Variants in ZNF385D observed in about 807,000 individuals in gnomAD.
ZNF385D encodes zinc finger protein 385D.
A neutral mutation model predicts 35.8 loss-of-function variants in ZNF385D; 15 were observed. The observed-to-expected ratio is 0.42, with a 90% CI of 0.28 to 0.64. ZNF385D has a LOEUF of 0.64. Ranked by LOEUF, ZNF385D falls within the 30% of genes least tolerant of loss-of-function variation. The pLI, the probability that ZNF385D is intolerant of heterozygous loss-of-function variation, is 0.23. For synonymous variants in ZNF385D, 212 were observed against 186.8 expected, an observed-to-expected ratio of 1.13 and a Z score of -1.10; for missense variants, 474 against 494.6, an observed-to-expected ratio of 0.96 and a Z score of 0.39.
At chr3:21,938,436 A>G (rs1701365633) in intron 3 of ZNF385D, among the ~76,000 whole-genome samples, 2 of 152,324 alleles carry the variant, frequency 1.3e-5, no homozygotes, top group South Asian at 4.1e-4. Flanking sequence ...AGTAGGCCAG[A>G]TGTTTCTAGG....
intron 3 of ZNF385D, among the ~76,000 whole-genome samples, chr3:22,117,684 G>T (rs1242286888): frequency 6.6e-6 from 1 of 151,266 alleles, no homozygotes; most frequent in East Asian, 1.9e-4. Flanking sequence ...TTTCTAACTT[G>T]ATCAACATTA....
At chr3:22,318,739 C>T (rs1310556567) in intron 2 of ZNF385D, among the ~76,000 whole-genome samples, 2 of 151,892 alleles carry the variant, frequency 1.3e-5, no homozygotes, top group African/African-American at 4.8e-5. Flanking sequence ...AAGAAACAAC[C>T]CAGAGTATAC....
intron 4 of ZNF385D, among the ~76,000 whole-genome samples, chr3:21,502,718 C>G (rs1566607): frequency 0.051 from 7,728 of 152,190 alleles, 681 homozygotes; most frequent in African/African-American, 0.17. Flanking sequence ...TTTCCCTTCT[C>G]TTTTTCAATC....
intron 3 of ZNF385D, among the ~76,000 whole-genome samples, chr3:21,884,752 G>A (rs1471230217): frequency 6.6e-6 from 1 of 151,980 alleles, no homozygotes; most frequent in Admixed American, 6.6e-5. Flanking sequence ...TCCAGCTCCA[G>A]ATCCAGTGAC....
chr3:22,187,795 G>C (rs1695737673), intron 2 of ZNF385D, among the ~76,000 whole-genome samples: 1 of 152,272 alleles, frequency 6.6e-6, no homozygotes, highest in East Asian at 1.9e-4. Context: ...GATGGTAGCT[G>C]TCCACAATAA....
chr3:21,822,700 C>G (rs1694342287), intron 3 of ZNF385D, among the ~76,000 whole-genome samples: 1 of 152,000 alleles, frequency 6.6e-6, no homozygotes, highest in African/African-American at 2.4e-5. Flanking sequence ...TTACAGTATA[C>G]CAGTTTAAAT....
intron 4 of ZNF385D, among the ~76,000 whole-genome samples, chr3:21,479,011 T>C (rs1575012461): frequency 6.6e-6 from 1 of 150,554 alleles, no homozygotes; most frequent in East Asian, 2.0e-4. Flanking sequence ...ATATATAACA[T>C]GATAAAGTGA....
At chr3:22,106,214 G>A (rs1203024081) in intron 3 of ZNF385D, among the ~76,000 whole-genome samples, 1 of 152,060 alleles carries the variant, frequency 6.6e-6, no homozygotes, top group Non-Finnish European at 1.5e-5. Flanking sequence ...ATATTAGGTT[G>A]TAAGGAAACT....
intron 3 of ZNF385D, among the ~76,000 whole-genome samples, chr3:22,148,675 A>G (rs7640438): frequency 0.028 from 4,212 of 152,274 alleles, 204 homozygotes; most frequent in African/African-American, 0.096. Flanking sequence ...GCAAAGTAAG[A>G]TCTACATGGT....
chr3:21,922,402 C>A (rs1338388252), intron 3 of ZNF385D, among the ~76,000 whole-genome samples: 1 of 152,102 alleles, frequency 6.6e-6, no homozygotes, highest in Non-Finnish European at 1.5e-5. Flanking sequence ...TATAAAGCTA[C>A]AACAACCAAA....
intron 3 of ZNF385D, among the ~76,000 whole-genome samples, chr3:22,069,597 A>G (rs1321548848): frequency 6.6e-6 from 1 of 152,192 alleles, no homozygotes; most frequent in Non-Finnish European, 1.5e-5. Flanking sequence ...TTAGAATGGT[A>G]TCTAGTGGAA....
intron 3 of ZNF385D, among the ~76,000 whole-genome samples, chr3:22,028,381 A>G (rs1559314563): frequency 6.6e-6 from 1 of 152,190 alleles, no homozygotes; most frequent in Non-Finnish European, 1.5e-5. Context: ...GAGGTTACGC[A>G]TGGGCTCAGC....
intron 3 of ZNF385D, among the ~76,000 whole-genome samples, chr3:21,975,987 G>C (rs1034254797): frequency 2.6e-5 from 4 of 151,976 alleles, no homozygotes; most frequent in African/African-American, 7.3e-5. Context: ...GTTCTAGGGA[G>C]ACCAGACTTC....
chr3:22,147,347 C>T (rs1301305927), intron 3 of ZNF385D, among the ~76,000 whole-genome samples: 1 of 152,098 alleles, frequency 6.6e-6, no homozygotes, highest in African/African-American at 2.4e-5. Flanking sequence ...CCACACCTGG[C>T]TTTTCAGAGC....
chr3:22,158,482 A>G (rs943680241), intron 3 of ZNF385D, among the ~76,000 whole-genome samples: 1 of 152,100 alleles, frequency 6.6e-6, no homozygotes, highest in Non-Finnish European at 1.5e-5. Flanking sequence ...CAGTGCTGCT[A>G]TACATCTATT....
chr3:21,737,929 A>G (rs2069324491), intron 1 of ZNF385D, among the ~76,000 whole-genome samples: 1 of 152,172 alleles, frequency 6.6e-6, no homozygotes, highest in Admixed American at 6.5e-5. Context: ...CACAGCACTC[A>G]CGTAAAGATA....
At chr3:21,883,888 A>G (rs1698404702) in intron 3 of ZNF385D, among the ~76,000 whole-genome samples, 1 of 152,020 alleles carries the variant, frequency 6.6e-6, no homozygotes, top group East Asian at 1.9e-4. Context: ...ACATGCTACG[A>G]CATCTCATCC....
chr3:22,081,608 C>G (rs919698847), intron 3 of ZNF385D, among the ~76,000 whole-genome samples: 3 of 152,140 alleles, frequency 2.0e-5, no homozygotes, highest in Non-Finnish European at 4.4e-5. Flanking sequence ...TAAGTGTTGG[C>G]AGCCAACTGT....
intron 3 of ZNF385D, among the ~76,000 whole-genome samples, chr3:22,093,617 T>C (rs1701445870): frequency 6.6e-6 from 1 of 152,134 alleles, no homozygotes; most frequent in African/African-American, 2.4e-5. Flanking sequence ...CAACCTACTA[T>C]AAAAAATAAG....
Sources: gnomAD v4.1 joint callset for allele counts (sites outside exome capture counted in the v4.1 genomes callset) on GRCh38, gnomAD v4.1.1 for gene constraint, MANE v1.5 for transcripts, NCBI Gene and HGNC (gene_info 2026-07-23, HGNC 2026-07-21) for gene names.